The following POLR3E variants were observed in gnomAD, a reference collection of about 807,000 sequenced individuals.
The protein encoded by POLR3E is RNA polymerase III subunit E.
Under a neutral mutation model 96.6 loss-of-function variants are expected in POLR3E, and 41 were observed. That is an observed-to-expected ratio of 0.42 (90% CI 0.33 to 0.55). POLR3E has a LOEUF of 0.55. Ranked by LOEUF, POLR3E falls within the 20% of genes least tolerant of loss-of-function variation. The pLI is 0.06. For missense variants in POLR3E, 849 were observed against 952.1 expected, an observed-to-expected ratio of 0.89 and a Z score of 1.43; for synonymous variants, 396 against 383.6, an observed-to-expected ratio of 1.03 and a Z score of -0.38.
intron 6 of POLR3E, among the ~76,000 whole-genome samples, chr16:22,312,873 CAAA>C (rs1167609047): frequency 1.3e-4 from 4 of 30,404 alleles, no homozygotes; most frequent in Non-Finnish European, 2.1e-4. Context: ...CACTCCATCT[CAAA>C]AAAAAAAAAA....
chr16:22,334,698 CT>C lies in POLR3E; in HGVS notation c.*1001del, dbSNP rs1175194942. ...AGTCTTCAAAATCTGGCATTTTACA[CT>C]TTCCTCAACACTCAGTTTGGACTAG... On this transcript the variant is annotated 3_prime_UTR_variant, in exon 21 of 21. Coordinates refer to ENST00000299853, the MANE Select transcript of POLR3E (RefSeq NM_018119.4). 6.6e-6 allele frequency: 1 copy of C among 152,052 alleles called. No homozygotes were observed. The highest frequency in any genetic ancestry group is 2.4e-5 in the African/African-American group (1 of 41,450). The allele number at this position is 152,052 out of a possible 1,614,324, so 9.4% of individuals were successfully genotyped here.
intron 7 of POLR3E, 68 bp from the exon 8 acceptor site, chr16:22,314,011 G>A (rs1028856570): frequency 9.4e-5 from 130 of 1,381,312 alleles, no homozygotes; most frequent in South Asian, 2.6e-4. Flanking sequence ...CTTCCCTGGC[G>A]GGTGGGGTTG....
chr16:22,325,533 G>A (rs1400311204), intron 17 of POLR3E, among the ~76,000 whole-genome samples: 3 of 152,152 alleles, frequency 2.0e-5, no homozygotes, highest in African/African-American at 7.2e-5. Flanking sequence ...GGGTCAACAA[G>A]CGGGCCCGGA....
At chr16:22,305,884 A>G (rs1266104494) in intron 3 of POLR3E, among the ~76,000 whole-genome samples, 1 of 152,138 alleles carries the variant, frequency 6.6e-6, no homozygotes, top group Non-Finnish European at 1.5e-5. Flanking sequence ...TGATTATTAC[A>G]TTTTATAACC....
At chr16:22,327,095 C>T (rs1362538492) in intron 18 of POLR3E, 1 of 152,702 alleles carries the variant, frequency 6.5e-6, no homozygotes, top group Non-Finnish European at 1.5e-5. Context: ...TTCCACAAGG[C>T]TCTGCCCAGA....
At chr16:22,329,331 T>G (rs1455751913) in intron 19 of POLR3E, among the ~76,000 whole-genome samples, 1 of 152,232 alleles carries the variant, frequency 6.6e-6, no homozygotes, top group African/African-American at 2.4e-5. Flanking sequence ...CATACTGTGA[T>G]GGGGAGGGTC....
Position 22,309,051 on chromosome 16 carries a change from G to T in POLR3E, c.281+11G>T, listed in dbSNP as rs776186132. ...CAGCACGTATTCCTCGTGAGTTTCC[G>T]GCCCCAAGCCTGTCCGGTTTCCCTG... On this transcript the variant is annotated intron_variant, in intron 5 of 20. Coordinates refer to ENST00000299853, the MANE Select transcript of POLR3E (RefSeq NM_018119.4). 12 of 1,591,128 alleles carry T rather than the reference G, an allele frequency of 7.5e-6. No individual in the cohort carries two copies. In the East Asian group the frequency reaches 2.5e-4, roughly 33 times the overall value.
chr16:22,314,918 A>T (rs2048323058), intron 8 of POLR3E, 171 bp from the exon 9 acceptor site: 1 of 607,594 alleles, frequency 1.6e-6, no homozygotes, highest in Non-Finnish European at 2.8e-6. Context: ...GTGTGCAGGC[A>T]GCTCTGGGAG....
chr16:22,318,918 T>A lies in POLR3E; in HGVS notation c.958T>A (p.Leu320Met), dbSNP rs2048414645. The change falls in exon 13 of 21, where the codon TTG becomes ATG. Residue 320 changes from leucine (L) to methionine (M), a missense_variant. Coordinates refer to ENST00000299853, the MANE Select transcript of POLR3E (RefSeq NM_018119.4). This position sits in a 1 kb window ranked among gnomAD's most constrained non-coding sequence, Gnocchi z 5.0. ...GCGGGGCATCCAGAAGGTGGCGATG[T>A]TGGTCCAAGGGAACTGGGTGGTGAA... The part of the protein sequence containing the change: ...VLRGIQKVAM[L>M]VQGNWVVKSD... 1.2e-6 allele frequency: 2 copies of A among 1,613,760 alleles called. No individual in the cohort carries two copies. Among genetic ancestry groups the A allele is most frequent in the African/African-American group, 1.3e-5 (1 of 74,910 alleles).
chr16:22,324,088 C>CTCCAG (rs58207252), intron 14 of POLR3E, among the ~76,000 whole-genome samples: 4 of 117,874 alleles, frequency 3.4e-5, no homozygotes, highest in African/African-American at 2.1e-4. Flanking sequence ...GGCAGGGCAT[C>CTCCAG]CCCAGGGAGC....
intron 1 of POLR3E, among the ~76,000 whole-genome samples, chr16:22,301,517 G>A (rs1464199509): frequency 6.6e-6 from 1 of 152,150 alleles, no homozygotes; most frequent in Admixed American, 6.6e-5. Context: ...AGAAGCAGAG[G>A]TTGCAGTGAG....
rs1430011575 is a variant in POLR3E at position 22,316,651 on chromosome 16, C to G, written c.693C>G (p.Ser231Arg). 2 of 1,613,884 alleles carry G rather than the reference C, an allele frequency of 1.2e-6. No individual in the cohort carries two copies. Among genetic ancestry groups the G allele is most frequent in the Non-Finnish European group, 1.7e-6 (2 of 1,179,920 alleles). ...ERQYLLCPGS[S>R]GVENTELVKS... ...AGTACCTGCTGTGCCCCGGCTCAAGCGGGGTGGAGAACACGGAGCTCGTCA... is the reference window on the plus strand; with the variant it reads ...AGTACCTGCTGTGCCCCGGCTCAAGGGGGGTGGAGAACACGGAGCTCGTCA... Residue 231 changes from serine to arginine, a missense_variant, in exon 10 of 21, where the codon AGC becomes AGG. Ser to Arg is a moderately radical substitution (Grantham distance 110). Transcript: ENST00000299853.
Position 22,314,142 on chromosome 16 carries a change from C to T in POLR3E, c.522+14C>T. 1.9e-6 allele frequency: 3 copies of T among 1,612,350 alleles called. No homozygotes were observed. The highest frequency in any genetic ancestry group is 1.1e-5 in the South Asian group (1 of 91,016). On this transcript the variant is annotated intron_variant, in intron 8 of 20. Transcript: ENST00000299853. ...AAGCAGATCACGGTGAGCCCTGGCC[C>T]CTGGAGGAGGAGGGTGCTGCCTGGG... is the stretch of plus-strand genomic sequence containing the variant.
At chr16:22,308,857 T>G in intron 4 of POLR3E, 68 bp from the exon 5 acceptor site, 1 of 1,040,240 alleles carries the variant, frequency 9.6e-7, no homozygotes, top group Non-Finnish European at 1.5e-6. Flanking sequence ...CATGGTGGGG[T>G]TGGGGTGTCC....
intron 2 of POLR3E, among the ~76,000 whole-genome samples, chr16:22,303,640 T>C (rs1207123332): frequency 8.5e-5 from 9 of 105,388 alleles, no homozygotes; most frequent in South Asian, 2.7e-4. Context: ...CAGATTTCCC[T>C]TTTTTTTTTT....
chr16:22,330,266 G>A (rs2048709188), intron 19 of POLR3E, among the ~76,000 whole-genome samples: 1 of 151,372 alleles, frequency 6.6e-6, no homozygotes, highest in African/African-American at 2.4e-5. Context: ...GGTGGTAGGG[G>A]TCGGGGGGTG....
At chr16:22,330,988 CTTTTTTTTTTTT>C (rs56100056) in intron 19 of POLR3E, among the ~76,000 whole-genome samples, 36 of 50,764 alleles carry the variant, frequency 7.1e-4, no homozygotes, top group Middle Eastern at 0.022. Flanking sequence ...ATGAAGCATC[CTTTTTTTTTTTT>C]TTTTTTTTTT....
intron 3 of POLR3E, among the ~76,000 whole-genome samples, chr16:22,305,823 G>A (rs1340860932): frequency 6.6e-6 from 1 of 152,190 alleles, no homozygotes; most frequent in African/African-American, 2.4e-5. Flanking sequence ...GCAGACTGTT[G>A]AAAGCATTTA....
intron 10 of POLR3E, 35 bp downstream of exon 10, chr16:22,316,721 C>A: frequency 6.4e-7 from 1 of 1,551,590 alleles, no homozygotes; most frequent in Non-Finnish European, 8.9e-7. Flanking sequence ...AAACTGGATG[C>A]CTGCCCAGGG....
Sources: allele counts gnomAD v4.1 joint callset (sites outside exome capture counted in the v4.1 genomes callset), GRCh38; gene constraint gnomAD v4.1.1; non-coding constraint Gnocchi (gnomAD v3.1); transcripts MANE v1.5; gene names NCBI Gene and HGNC (gene_info 2026-07-23, HGNC 2026-07-21).